ENTREP2: variants seen among roughly 807,000 people sequenced by gnomAD.
The protein encoded by ENTREP2 is protein ENTREP2.
chr15:29,556,442 G>A, the ENTREP2 span, among the ~76,000 whole-genome samples: 1 of 152,150 alleles, frequency 6.6e-6, no homozygotes, highest in South Asian at 2.1e-4. Flanking sequence ...TCACAAGGAA[G>A]GAAGGGAGGG....
chr15:29,499,628 G>A, the ENTREP2 span, among the ~76,000 whole-genome samples: 4 of 150,464 alleles, frequency 2.7e-5, no homozygotes, highest in East Asian at 7.8e-4. Flanking sequence ...CTCTTGCTTT[G>A]TCCTCTCAAA....
At chr15:29,520,077 AC>A in the ENTREP2 span, among the ~76,000 whole-genome samples, 2 of 152,154 alleles carry the variant, frequency 1.3e-5, no homozygotes, top group Non-Finnish European at 2.9e-5. Context: ...AGTAAAATAA[AC>A]AGCCTTGTTG....
At chr15:29,539,254 T>C in the ENTREP2 span, among the ~76,000 whole-genome samples, 6 of 134,038 alleles carry the variant, frequency 4.5e-5, no homozygotes, top group African/African-American at 1.7e-4. Flanking sequence ...ACCTCATGCT[T>C]CCTAAATCAA....
At chr15:29,192,957 G>C in the ENTREP2 span, among the ~76,000 whole-genome samples, 1 of 152,240 alleles carries the variant, frequency 6.6e-6, no homozygotes, top group Non-Finnish European at 1.5e-5. Context: ...CAGCAAACTA[G>C]GAATAGGAGG....
the ENTREP2 span, among the ~76,000 whole-genome samples, chr15:29,158,897 T>G: frequency 6.6e-6 from 1 of 152,232 alleles, no homozygotes; most frequent in Non-Finnish European, 1.5e-5. Context: ...AAAGCTACAG[T>G]TGATAAATTA....
At chr15:29,231,927 G>C in the ENTREP2 span, among the ~76,000 whole-genome samples, 2 of 131,506 alleles carry the variant, frequency 1.5e-5, no homozygotes, top group Non-Finnish European at 3.1e-5. Context: ...GTCTCACTCT[G>C]CTGCCCAGGC....
At chr15:29,442,159 G>A in the ENTREP2 span, among the ~76,000 whole-genome samples, 1 of 152,242 alleles carries the variant, frequency 6.6e-6, no homozygotes, top group African/African-American at 2.4e-5. Context: ...CTCCCAGCAC[G>A]GACCCCTTGT....
At chr15:29,125,420 C>T in the ENTREP2 span, among the ~76,000 whole-genome samples, 1 of 152,144 alleles carries the variant, frequency 6.6e-6, no homozygotes. Context: ...CTGGTATTTC[C>T]ACCAGGAGGG....
At chr15:29,516,685 A>T in the ENTREP2 span, among the ~76,000 whole-genome samples, 2 of 152,162 alleles carry the variant, frequency 1.3e-5, no homozygotes, top group Non-Finnish European at 2.9e-5. Context: ...CAATTATGGT[A>T]AAGTGGTATT....
chr15:29,276,351 A>T, the ENTREP2 span, among the ~76,000 whole-genome samples: 1 of 152,252 alleles, frequency 6.6e-6, no homozygotes, highest in African/African-American at 2.4e-5. Context: ...GATAGTGGTC[A>T]CTAAGATTCT....
the ENTREP2 span, among the ~76,000 whole-genome samples, chr15:29,534,313 T>C: frequency 6.6e-6 from 1 of 152,014 alleles, no homozygotes; most frequent in Admixed American, 6.6e-5. Context: ...GTGGAGATAT[T>C]GGATTTAGAC....
At chr15:29,673,216 A>G in the ENTREP2 span, among the ~76,000 whole-genome samples, 1 of 152,132 alleles carries the variant, frequency 6.6e-6, no homozygotes. Flanking sequence ...AGACGTCGCC[A>G]TCTTGGTTTT....
the ENTREP2 span, among the ~76,000 whole-genome samples, chr15:29,631,049 C>G: frequency 1.2e-4 from 19 of 152,314 alleles, no homozygotes; most frequent in African/African-American, 4.6e-4. Context: ...TAAGCTAGTA[C>G]GGAGCTCATT....
chr15:29,594,181 A>G, the ENTREP2 span, among the ~76,000 whole-genome samples: 1 of 152,138 alleles, frequency 6.6e-6, no homozygotes, highest in Non-Finnish European at 1.5e-5. Context: ...AACAGGCTGT[A>G]TCTCTAGACT....
the ENTREP2 span, among the ~76,000 whole-genome samples, chr15:29,169,887 A>C: frequency 6.6e-6 from 1 of 152,240 alleles, no homozygotes; most frequent in African/African-American, 2.4e-5. Flanking sequence ...AAAAGAAGTA[A>C]AGTGTGTTCA....
the ENTREP2 span, among the ~76,000 whole-genome samples, chr15:29,211,057 G>C: frequency 1.3e-5 from 2 of 152,192 alleles, no homozygotes; most frequent in African/African-American, 4.8e-5. Context: ...ATGATTAATA[G>C]AAGGGGATTG....
the ENTREP2 span, among the ~76,000 whole-genome samples, chr15:29,668,478 C>T: frequency 6.6e-6 from 1 of 152,154 alleles, no homozygotes; most frequent in Non-Finnish European, 1.5e-5. Context: ...AGCAATATTA[C>T]TCCTTAAGAG....
At chr15:29,412,615 G>T in the ENTREP2 span, among the ~76,000 whole-genome samples, 3 of 152,008 alleles carry the variant, frequency 2.0e-5, no homozygotes, top group South Asian at 6.2e-4. Context: ...GTTATCAAAT[G>T]TGTAGTCTCT....
At chr15:29,336,006 G>A in the ENTREP2 span, among the ~76,000 whole-genome samples, 1 of 151,814 alleles carries the variant, frequency 6.6e-6, no homozygotes, top group African/African-American at 2.4e-5. Context: ...GCCGGGCCTG[G>A]TGTCGGGCGC....
Sources: gnomAD v4.1 joint callset for allele counts (sites outside exome capture counted in the v4.1 genomes callset) on GRCh38, gnomAD v4.1.1 for gene constraint, MANE v1.5 for transcripts, NCBI Gene and HGNC (gene_info 2026-07-23, HGNC 2026-07-21) for gene names.